Variants in RETREG1 observed in about 807,000 individuals in gnomAD.
The protein encoded by RETREG1 is reticulophagy regulator 1.
Under a neutral mutation model 54.8 loss-of-function variants are expected in RETREG1, and 44 were observed. The ratio of observed to expected loss-of-function variants is 0.80; its 90% CI spans 0.63 to 1.03. RETREG1 has a LOEUF of 1.03. Ranked by LOEUF, RETREG1 falls within the 50% of genes least tolerant of loss-of-function variation. RETREG1 has a pLI of 0.00. For synonymous variants in RETREG1, 217 were observed against 238.5 expected, an observed-to-expected ratio of 0.91 and a Z score of 0.83; for missense variants, 554 against 605.1, an observed-to-expected ratio of 0.92 and a Z score of 0.89.
intron 1 of RETREG1, among the ~76,000 whole-genome samples, chr5:16,601,877 C>T (rs1170029472): frequency 1.2e-4 from 19 of 152,266 alleles, no homozygotes; most frequent in Non-Finnish European, 2.9e-5. Context: ...AAAACCAGGT[C>T]ATCTATAAGA....
chr5:16,557,758 C>A (rs10041159), intron 3 of RETREG1, among the ~76,000 whole-genome samples: 1 of 151,890 alleles, frequency 6.6e-6, no homozygotes, highest in Non-Finnish European at 1.5e-5. Flanking sequence ...AAAGATTTAC[C>A]CAAGCACAGA....
intron 3 of RETREG1, chr5:16,508,856 GC>G: frequency 1.4e-6 from 2 of 1,390,634 alleles, no homozygotes; most frequent in Middle Eastern, 2.4e-4. Context: ...TATTATCACT[GC>G]CCCCTTCTAA....
At chr5:16,501,525 A>T (rs1351006522) in intron 3 of RETREG1, among the ~76,000 whole-genome samples, 1 of 139,760 alleles carries the variant, frequency 7.2e-6, no homozygotes, top group Non-Finnish European at 1.6e-5. Context: ...TGCAATTTTT[A>T]TTTATTTTTT....
intron 3 of RETREG1, among the ~76,000 whole-genome samples, chr5:16,530,344 AC>A (rs1740875994): frequency 6.6e-6 from 1 of 152,162 alleles, no homozygotes; most frequent in Admixed American, 6.5e-5. Context: ...TGCTGGCTCT[AC>A]CACCTACTGG....
intron 3 of RETREG1, among the ~76,000 whole-genome samples, chr5:16,511,199 A>G (rs542385612): frequency 1.3e-5 from 2 of 152,308 alleles, no homozygotes; most frequent in East Asian, 1.9e-4. Flanking sequence ...CTGTGCATCA[A>G]ATTTTAAATT....
At chr5:16,511,212 G>C (rs952456497) in intron 3 of RETREG1, among the ~76,000 whole-genome samples, 1 of 152,154 alleles carries the variant, frequency 6.6e-6, no homozygotes, top group African/African-American at 2.4e-5. Flanking sequence ...TTTAAATTTT[G>C]ATCTTTTTCT....
intron 3 of RETREG1, among the ~76,000 whole-genome samples, chr5:16,512,043 G>A (rs1458420927): frequency 1.3e-5 from 2 of 152,098 alleles, no homozygotes; most frequent in African/African-American, 2.4e-5. Flanking sequence ...CTACACAATC[G>A]ACAAGTGTCC....
At chr5:16,482,824 T>A (rs183099673) in intron 4 of RETREG1, among the ~76,000 whole-genome samples, 1 of 152,260 alleles carries the variant, frequency 6.6e-6, no homozygotes, top group East Asian at 1.9e-4. Flanking sequence ...TTCCCCCTCA[T>A]GGGTTTTATC....
chr5:16,492,199 CCTCTCTCTCT>C (rs369038338), intron 3 of RETREG1, among the ~76,000 whole-genome samples: 1 of 136,006 alleles, frequency 7.4e-6, no homozygotes, highest in Non-Finnish European at 1.6e-5. Context: ...ACAGTGTTGT[CCTCTCTCTCT>C]CTCTCTCTCT....
chr5:16,501,448 T>G (rs1018890576), intron 3 of RETREG1, among the ~76,000 whole-genome samples: 9 of 152,256 alleles, frequency 5.9e-5, no homozygotes, highest in African/African-American at 2.2e-4. Flanking sequence ...TGGAAAGTGA[T>G]TCCATGTAGA....
chr5:16,611,539 A>T (rs1345833013), intron 1 of RETREG1, among the ~76,000 whole-genome samples: 1 of 152,228 alleles, frequency 6.6e-6, no homozygotes, highest in East Asian at 1.9e-4. Flanking sequence ...TTCTGTGCCT[A>T]TCCAAGGCAA....
chr5:16,485,122 G>A (rs1433945198), intron 3 of RETREG1, among the ~76,000 whole-genome samples: 1 of 152,082 alleles, frequency 6.6e-6, no homozygotes, highest in Non-Finnish European at 1.5e-5. Context: ...GGAAATATAA[G>A]GTTATTAAAA....
intron 3 of RETREG1, among the ~76,000 whole-genome samples, chr5:16,546,694 C>A (rs1008810782): frequency 1.3e-5 from 2 of 152,084 alleles, no homozygotes; most frequent in African/African-American, 4.8e-5. Flanking sequence ...AATGTGGTGG[C>A]CTTCTTCAGT....
intron 3 of RETREG1, among the ~76,000 whole-genome samples, chr5:16,486,640 TAA>T (rs2126526037): frequency 6.6e-6 from 1 of 152,318 alleles, no homozygotes; most frequent in East Asian, 1.9e-4. Flanking sequence ...TCTGATCCTT[TAA>T]AATGTGTGCC....
intron 3 of RETREG1, among the ~76,000 whole-genome samples, chr5:16,564,900 G>T (rs1741966805): frequency 6.6e-6 from 1 of 152,120 alleles, no homozygotes; most frequent in African/African-American, 2.4e-5. Context: ...AATACAGGGT[G>T]ATTTTTTATA....
rs1052476980 is a variant in RETREG1, at chr5:16,613,018, A to G, written c.320+3634T>C. Among the ~76,000 whole-genome samples the G allele has an allele frequency of 6.0e-4, 91 of 152,180 alleles. 5 individuals are homozygous for G. Among genetic ancestry groups the G allele is most frequent in the Non-Finnish European group, 1.5e-5 (1 of 68,032 alleles). On this transcript the variant is annotated intron_variant, in intron 1 of 8. Transcript: ENST00000306320. ...GCTAAAGCTGTATTTTCATTGTTAT[A>G]TGGTATCACAATTTATAATAAATAA...
intron 3 of RETREG1, among the ~76,000 whole-genome samples, chr5:16,500,578 G>C (rs1431125094): frequency 6.6e-6 from 1 of 152,132 alleles, no homozygotes; most frequent in Non-Finnish European, 1.5e-5. Flanking sequence ...AATAGGACCA[G>C]TCAGAAGATT....
intron 3 of RETREG1, among the ~76,000 whole-genome samples, chr5:16,500,696 C>T (rs1306854510): frequency 6.6e-6 from 1 of 152,162 alleles, no homozygotes; most frequent in Admixed American, 6.5e-5. Flanking sequence ...ATGCACTGGG[C>T]AGACATCCTT....
intron 3 of RETREG1, among the ~76,000 whole-genome samples, chr5:16,518,005 G>T (rs571605812): frequency 1.2e-3 from 185 of 151,170 alleles, no homozygotes; most frequent in African/African-American, 4.2e-3. Context: ...AAAAGAGAGA[G>T]AGAAAGAATA....
Sources: gnomAD v4.1 joint callset for allele counts (sites outside exome capture counted in the v4.1 genomes callset) on GRCh38, gnomAD v4.1.1 for gene constraint, MANE v1.5 for transcripts, NCBI Gene and HGNC (gene_info 2026-07-23, HGNC 2026-07-21) for gene names.